Variants in INO80 observed in about 807,000 individuals in gnomAD.
The protein encoded by INO80 is chromatin-remodeling ATPase INO80.
A neutral mutation model predicts 203.4 loss-of-function variants in INO80; 20 were observed. The ratio of observed to expected loss-of-function variants is 0.10; its 90% CI spans 0.07 to 0.14. The LOEUF is 0.14. INO80 is among the 10% of genes least tolerant of loss of function. The probability of loss-of-function intolerance (pLI) is 1.00; values close to 1 mark genes in which losing one functional copy is unlikely to be tolerated. For synonymous variants in INO80, 726 were observed against 685.2 expected (o/e 1.06, Z -0.93); for missense variants, 1,419 against 1,914.4 (o/e 0.74, Z 4.83).
chr15:40,987,653 T>A (rs1039895657), intron 30 of INO80, among the ~76,000 whole-genome samples, 163 bp downstream of exon 30: 1 of 152,226 alleles, frequency 6.6e-6, no homozygotes, highest in South Asian at 2.1e-4. Context: ...AAGTCAAAAT[T>A]GCTATTGCAT....
intron 29 of INO80, among the ~76,000 whole-genome samples, chr15:40,990,151 A>T (rs2043797124): frequency 6.6e-6 from 1 of 152,090 alleles, no homozygotes; most frequent in East Asian, 1.9e-4. Context: ...CCATCTTACA[A>T]GCAAGGAAGA....
At position 41,095,010 on chromosome 15, in the gene INO80, T is replaced by C. The variant is rs141138584; in HGVS notation, c.381+591A>G. Among the ~76,000 whole-genome samples the C allele has an allele frequency of 1.2e-4, 17 of 147,014 alleles. No individual in the cohort carries two copies. The East Asian group carries it at 3.2e-3, about 28-fold the overall frequency. The stretch of plus-strand genomic sequence containing the variant: ...ATTAACTTGGGTCCCATCTCCAAGA[T>C]ATCTCATTTTGTATTGCAAATATTC... On this transcript the variant is annotated intron_variant, in intron 4 of 35. Coordinates refer to ENST00000648947, the MANE Select transcript of INO80 (RefSeq NM_017553.3).
chr15:41,053,167 AC>A (rs2044913834), intron 19 of INO80, among the ~76,000 whole-genome samples: 1 of 152,080 alleles, frequency 6.6e-6, no homozygotes, highest in African/African-American at 2.4e-5. Flanking sequence ...GTGCAGTGGC[AC>A]AATTTTGGCT....
chr15:40,995,589 A>G (rs1301192800), intron 29 of INO80, among the ~76,000 whole-genome samples: 1 of 152,198 alleles, frequency 6.6e-6, no homozygotes. Flanking sequence ...AGAGAAACTA[A>G]CAGAGTACCA....
At chr15:41,030,588 C>T (rs1260591657) in intron 24 of INO80, among the ~76,000 whole-genome samples, 2 of 152,108 alleles carry the variant, frequency 1.3e-5, no homozygotes, top group African/African-American at 4.8e-5. Flanking sequence ...TCTTGAACTC[C>T]TGGCCACAAG....
At chr15:40,984,632 G>GAAAAAAA (rs5812178) in intron 32 of INO80, among the ~76,000 whole-genome samples, 1 of 132,918 alleles carries the variant, frequency 7.5e-6, no homozygotes. Context: ...CAGCTCAAAA[G>GAAAAAAA]AAAAAAAAAA....
At chr15:41,095,128 C>T (rs975635470) in intron 4 of INO80, among the ~76,000 whole-genome samples, 1 of 151,778 alleles carries the variant, frequency 6.6e-6, no homozygotes. Context: ...CACCTGAGGT[C>T]AGGAGTTCGA....
intron 23 of INO80, among the ~76,000 whole-genome samples, chr15:41,045,900 C>T (rs1476985328): frequency 2.1e-4 from 6 of 28,004 alleles, no homozygotes; most frequent in Admixed American, 1.6e-3. Flanking sequence ...GACTTCATCT[C>T]GGGAAAAAAA....
chr15:40,979,095 G>A lies in INO80; in HGVS notation c.*1128C>T, dbSNP rs1893710960. On this transcript the variant is annotated 3_prime_UTR_variant, in exon 36 of 36. Transcript: ENST00000648947. ...GGAATCTTAATGATTTAAATTAAAT[G>A]ATTCCCCTATACCCCCTACTCCAAA... The A allele has an allele frequency of 6.6e-6, 1 of 152,560 alleles. No homozygotes were observed. The highest frequency in any genetic ancestry group is 6.5e-5 in the Admixed American group (1 of 15,274). 9.5% of individuals were successfully genotyped at this position (152,560 alleles called of 1,614,324 possible). A position where few individuals can be genotyped will look rare whatever the true frequency, so the allele number is the denominator to read the frequency against.
chr15:41,053,994 T>A lies in INO80; in HGVS notation c.2209A>T (p.Met737Leu). The stretch of plus-strand genomic sequence containing the variant: ...CTCAGCATAAATGGCTTCAAAATCA[T>A]GTGTAAGCGAGAAAGTTGATCTGAA... ...IDENQLSRLH[M>L]ILKPFMLRRI... is the part of the protein sequence containing the mutation. The change falls in exon 19 of 36, where the codon ATG becomes TTG. Residue 737 changes from methionine to leucine, a missense_variant. Physicochemically the swap from Met to Leu is conservative, Grantham distance 15 (BLOSUM62 2). Around this residue, in one of 9 missense-constraint regions of INO80, gnomAD observed 192 missense variants for 406.7 expected, o/e 0.47. Transcript: ENST00000648947. The A allele has an allele frequency of 6.2e-7, 1 of 1,613,832 alleles. No homozygotes were observed. Among genetic ancestry groups the A allele is most frequent in the Non-Finnish European group, 8.5e-7 (1 of 1,179,858 alleles).
At position 41,045,001 on chromosome 15, in the gene INO80, C is replaced by T. The variant is rs751490061; in HGVS notation, c.2810G>A (p.Gly937Glu). Residue 937 changes from glycine to glutamate, a missense_variant, in exon 24 of 36, where the codon GGG becomes GAG. Coordinates refer to ENST00000648947, the MANE Select transcript of INO80 (RefSeq NM_017553.3). Reference sequence around the variant, plus strand: ...CCTCAGGTATCTCTGGTGGCTCTCCCCTTCTGGCGCTCCCCAGGAGCGTAG... The same window carrying T: ...CCTCAGGTATCTCTGGTGGCTCTCCTCTTCTGGCGCTCCCCAGGAGCGTAG... ...HQLRSWGAPE[G>E]ESHQRYLRNK... is the part of the protein sequence containing the mutation. 1 of 1,613,868 alleles carries T rather than the reference C, an allele frequency of 6.2e-7. No individual in the cohort carries two copies. Among genetic ancestry groups the T allele is most frequent in the African/African-American group, 1.3e-5 (1 of 74,900 alleles).
At chr15:41,038,917 G>C (rs2044624307) in intron 24 of INO80, among the ~76,000 whole-genome samples, 1 of 152,116 alleles carries the variant, frequency 6.6e-6, no homozygotes, top group Non-Finnish European at 1.5e-5. Flanking sequence ...CTTCACATTG[G>C]CTACCAACAC....
Position 40,980,235 on chromosome 15 carries a change from A to C in INO80, c.4659T>G (p.Ser1553=). ...AGGGCCCAGATGGTTACCGTCCTCC[A>C]GAGGGGTTGGTGCCTTTGCCCTGTT... ...VRKQGKGTNP[S]GGR is the part of the protein sequence containing the mutation. Residue 1553 remains serine (S), a synonymous_variant, in exon 36 of 36, where the codon TCT becomes TCG. Transcript: ENST00000648947. 1 of 1,612,750 alleles carries C rather than the reference A, an allele frequency of 6.2e-7. No homozygotes were observed. The highest frequency in any genetic ancestry group is 8.5e-7 in the Non-Finnish European group (1 of 1,179,952).
intron 1 of INO80, among the ~76,000 whole-genome samples, chr15:41,100,300 T>C (rs1025752973): frequency 3.3e-5 from 5 of 152,236 alleles, no homozygotes; most frequent in African/African-American, 1.2e-4. Context: ...GGTCTCGATC[T>C]CCTGACCTCG....
At chr15:41,060,355 G>A (rs567377499) in intron 14 of INO80, among the ~76,000 whole-genome samples, 42 of 152,234 alleles carry the variant, frequency 2.8e-4, no homozygotes, top group Middle Eastern at 3.4e-3. Flanking sequence ...TTGGGAGGTC[G>A]AGGCAGGCGG....
Position 41,055,259 on chromosome 15 carries a change from C to G in INO80, c.2176G>C (p.Ala726Pro). The part of the protein sequence containing the change: ...DIESHAENKS[A>P]IDENQLSRLH... ...TAACAGTACTCACTCTCATCAATAG[C>G]AGATTTGTTTTCGGCATGGCTCTCA... The change falls in exon 18 of 36, where the codon GCT becomes CCT. Residue 726 changes from alanine (A) to proline (P), a missense_variant. Transcript: ENST00000648947. 6.2e-7 allele frequency: 1 copy of G among 1,603,164 alleles called. No homozygotes were observed.
intron 19 of INO80, among the ~76,000 whole-genome samples, chr15:41,052,461 C>T (rs1252364781): frequency 6.6e-6 from 1 of 151,620 alleles, no homozygotes; most frequent in African/African-American, 2.4e-5. Flanking sequence ...TTGCTGGAGT[C>T]CAGGAGTTCA....
intron 29 of INO80, among the ~76,000 whole-genome samples, chr15:40,990,744 C>T (rs923465817): frequency 6.6e-6 from 1 of 152,162 alleles, no homozygotes; most frequent in African/African-American, 2.4e-5. Context: ...TTCCAGAAGA[C>T]CAAGTTTGAA....
chr15:41,025,074 G>C (rs779832349), intron 25 of INO80, among the ~76,000 whole-genome samples: 1 of 152,186 alleles, frequency 6.6e-6, no homozygotes, highest in Non-Finnish European at 1.5e-5. Context: ...AAACATGGGA[G>C]GGGCCAAGTG....
Sources: allele counts gnomAD v4.1 joint callset (sites outside exome capture counted in the v4.1 genomes callset), GRCh38; gene constraint gnomAD v4.1.1; regional missense constraint gnomAD v4.1.1; transcripts MANE v1.5; gene names NCBI Gene and HGNC (gene_info 2026-07-23, HGNC 2026-07-21).